The following ZFAT variants were observed in gnomAD, a reference collection of about 807,000 sequenced individuals.
ZFAT encodes zinc finger protein ZFAT.
ZFAT carries 64 observed loss-of-function variants against 117.7 expected under a neutral mutation model. The observed-to-expected ratio is 0.54, with a 90% confidence interval of 0.44 to 0.67. ZFAT has a LOEUF of 0.67. Ranked by LOEUF, ZFAT falls within the 30% of genes least tolerant of loss-of-function variation. ZFAT has a pLI of 0.00. For synonymous variants in ZFAT, 679 were observed against 615.0 expected (o/e 1.10, Z -1.54); for missense variants, 1,433 against 1,584.5 (o/e 0.90, Z 1.62).
chr8:134,694,003 C>G (rs4909608), intron 1 of ZFAT, among the ~76,000 whole-genome samples: 115,383 of 152,172 alleles, frequency 0.76, 43,952 homozygotes, highest in South Asian at 0.82. Flanking sequence ...ATCCACTCAC[C>G]AGGAAGCATT....
chr8:134,565,836 C>A (rs910269633), intron 10 of ZFAT, among the ~76,000 whole-genome samples: 2 of 152,218 alleles, frequency 1.3e-5, no homozygotes, highest in African/African-American at 4.8e-5. Context: ...AGAGGAGCAG[C>A]TGCATCTTCC....
chr8:134,813,604 G>A, the ZFAT span, among the ~76,000 whole-genome samples: 2 of 152,018 alleles, frequency 1.3e-5, no homozygotes, highest in Admixed American at 1.3e-4. Context: ...TAGTAGAGAC[G>A]GGGTTTCACC....
chr8:134,487,058 G>A (rs1238425289), intron 15 of ZFAT, among the ~76,000 whole-genome samples: 2 of 152,198 alleles, frequency 1.3e-5, no homozygotes, highest in Non-Finnish European at 2.9e-5. Flanking sequence ...GGATATCCAT[G>A]CTTATGTGGA....
intron 3 of ZFAT, among the ~76,000 whole-genome samples, chr8:134,629,132 G>GT (rs1829714951): frequency 6.6e-6 from 1 of 152,182 alleles, no homozygotes; most frequent in Non-Finnish European, 1.5e-5. Context: ...ATCGACCACG[G>GT]TAAGTGTCGG....
intron 1 of ZFAT, among the ~76,000 whole-genome samples, chr8:134,698,689 GCC>G (rs1833938305): frequency 6.6e-6 from 1 of 152,022 alleles, no homozygotes; most frequent in Non-Finnish European, 1.5e-5. Flanking sequence ...AACAGAACCA[GCC>G]TCCCGGACAC....
chr8:134,828,356 G>A, the ZFAT span, among the ~76,000 whole-genome samples: 21 of 152,190 alleles, frequency 1.4e-4, no homozygotes, highest in Non-Finnish European at 2.8e-4. Flanking sequence ...CCCATATTCA[G>A]TATTAAAATA....
intron 5 of ZFAT, among the ~76,000 whole-genome samples, chr8:134,604,790 A>G (rs1031365020): frequency 1.4e-4 from 22 of 152,238 alleles, no homozygotes; most frequent in Non-Finnish European, 2.9e-4. Context: ...CAATATTTAA[A>G]TTTGGAAGTT....
intron 15 of ZFAT, among the ~76,000 whole-genome samples, chr8:134,489,899 G>A (rs2130119930): frequency 1.3e-5 from 2 of 152,206 alleles, no homozygotes; most frequent in South Asian, 4.2e-4. Context: ...CCTCTTCTCG[G>A]TAGAAGGCAC....
chr8:134,522,572 C>A (rs1820743148), intron 12 of ZFAT, among the ~76,000 whole-genome samples: 1 of 152,222 alleles, frequency 6.6e-6, no homozygotes, highest in South Asian at 2.1e-4. Context: ...AAAGAGCACA[C>A]TCCAGAGCCC....
the ZFAT span, chr8:134,804,727 C>T: frequency 8.4e-6 from 3 of 358,582 alleles, no homozygotes; most frequent in East Asian, 1.5e-4. Flanking sequence ...ATTAGGAGAG[C>T]ACCCTACATT....
At chr8:134,692,631 TAAAAC>T (rs1833636387) in intron 1 of ZFAT, among the ~76,000 whole-genome samples, 2 of 152,186 alleles carry the variant, frequency 1.3e-5, no homozygotes, top group African/African-American at 2.4e-5. Context: ...GAGGAAATCT[TAAAAC>T]AAAATACAAA....
chr8:134,547,620 G>T (rs188367165), intron 11 of ZFAT, among the ~76,000 whole-genome samples: 3 of 152,324 alleles, frequency 2.0e-5, no homozygotes, highest in East Asian at 1.9e-4. Context: ...ACCAGAAACA[G>T]ATTACATGAA....
the ZFAT span, among the ~76,000 whole-genome samples, chr8:134,754,801 G>A: frequency 6.6e-6 from 1 of 152,180 alleles, no homozygotes. Context: ...CAGGAAGGAT[G>A]TGGGACCCAA....
chr8:134,739,920 G>T, the ZFAT span, among the ~76,000 whole-genome samples: 1 of 152,358 alleles, frequency 6.6e-6, no homozygotes, highest in Non-Finnish European at 1.5e-5. Flanking sequence ...CTGAGCAGCT[G>T]TCTGCCTATG....
intron 1 of ZFAT, among the ~76,000 whole-genome samples, chr8:134,688,375 A>G (rs906777437): frequency 4.6e-5 from 7 of 152,228 alleles, no homozygotes; most frequent in Admixed American, 2.6e-4. Context: ...TACAGCACAC[A>G]TGCGCACACA....
intron 15 of ZFAT, among the ~76,000 whole-genome samples, chr8:134,508,043 C>G (rs1003572058): frequency 1.3e-5 from 2 of 152,188 alleles, no homozygotes; most frequent in African/African-American, 2.4e-5. Context: ...AACGCAGATA[C>G]CAGGTTGCTA....
intron 10 of ZFAT, among the ~76,000 whole-genome samples, chr8:134,569,075 G>A (rs927759744): frequency 6.6e-6 from 1 of 152,130 alleles, no homozygotes; most frequent in Non-Finnish European, 1.5e-5. Context: ...AAAAAGTAAT[G>A]CCTTTTCCCT....
chr8:134,766,728 G>A, the ZFAT span: 1 of 152,132 alleles, frequency 6.6e-6, no homozygotes, highest in African/African-American at 2.4e-5. Context: ...AATGCTTTGA[G>A]GTAGAATACT....
At chr8:134,767,392 A>T in the ZFAT span, 1 of 152,118 alleles carries the variant, frequency 6.6e-6, no homozygotes, top group Non-Finnish European at 1.5e-5. Context: ...TTTGCTGGTG[A>T]TCTGGACTTT....
Sources: gnomAD v4.1 joint callset for allele counts (sites outside exome capture counted in the v4.1 genomes callset) on GRCh38, gnomAD v4.1.1 for gene constraint, MANE v1.5 for transcripts, NCBI Gene and HGNC (gene_info 2026-07-23, HGNC 2026-07-21) for gene names.